The following RANBP2 variants were observed in gnomAD, a reference collection of about 807,000 sequenced individuals.
The protein encoded by RANBP2 is RAN binding protein 2.
RANBP2 carries 57 observed loss-of-function variants against 303.6 expected under a neutral mutation model. That is an observed-to-expected ratio of 0.19 (90% confidence interval 0.15 to 0.23). The LOEUF (loss-of-function observed/expected upper bound fraction) is 0.23. Among genes scored for constraint, RANBP2 ranks in the 10% least tolerant of loss-of-function variants. The pLI is 1.00. For missense variants in RANBP2, 3,138 were observed against 3,780.8 expected (o/e 0.83, Z 4.46); for synonymous variants, 1,167 against 1,301.5 (o/e 0.90, Z 2.23).
the RANBP2 span, chr2:108,805,054 G>GTA: frequency 9.3e-7 from 1 of 1,079,038 alleles, no homozygotes; most frequent in Non-Finnish European, 1.2e-6. Flanking sequence ...ATTCTAAGAA[G>GTA]TATATTTTAT....
chr2:109,556,980 T>C, the RANBP2 span, among the ~76,000 whole-genome samples: 2 of 151,938 alleles, frequency 1.3e-5, no homozygotes, highest in Non-Finnish European at 2.9e-5. Context: ...ATGAGAACAC[T>C]TGGACACAGG....
At chr2:109,223,370 C>T in the RANBP2 span, among the ~76,000 whole-genome samples, 1 of 152,178 alleles carries the variant, frequency 6.6e-6, no homozygotes, top group Non-Finnish European at 1.5e-5. Flanking sequence ...CCCGAAGAAG[C>T]AGGAGTGGCC....
At chr2:109,691,334 G>A in the RANBP2 span, among the ~76,000 whole-genome samples, 2 of 152,242 alleles carry the variant, frequency 1.3e-5, no homozygotes, top group Admixed American at 6.5e-5. Context: ...GGGGACATGC[G>A]GACAGAGCAA....
At chr2:108,749,691 A>G (rs1036210012) in intron 9 of RANBP2, among the ~76,000 whole-genome samples, 2 of 152,130 alleles carry the variant, frequency 1.3e-5, no homozygotes, top group African/African-American at 4.8e-5. Flanking sequence ...TTCTGGGCTC[A>G]AGGGATTCTC....
the RANBP2 span, chr2:109,794,614 G>GCCCC: frequency 1.4e-5 from 1 of 72,258 alleles, no homozygotes; most frequent in African/African-American, 1.1e-4. Flanking sequence ...GCGGCGGGGG[G>GCCCC]GGCGGCGGCG....
the RANBP2 span, among the ~76,000 whole-genome samples, chr2:109,443,423 G>A: frequency 7.9e-5 from 12 of 152,140 alleles, no homozygotes; most frequent in Admixed American, 3.9e-4. Context: ...GGGAATATGA[G>A]TGTCAGGCAA....
At chr2:108,994,502 T>C in the RANBP2 span, among the ~76,000 whole-genome samples, 1 of 152,228 alleles carries the variant, frequency 6.6e-6, no homozygotes, top group African/African-American at 2.4e-5. Context: ...CACATCACTA[T>C]GTTTTTCTAA....
At chr2:109,209,807 C>G in the RANBP2 span, among the ~76,000 whole-genome samples, 1 of 152,246 alleles carries the variant, frequency 6.6e-6, no homozygotes, top group East Asian at 1.9e-4. Context: ...TTGGACACTC[C>G]AGTATTCCAA....
the RANBP2 span, among the ~76,000 whole-genome samples, chr2:109,341,611 TCTTA>T: frequency 6.6e-6 from 1 of 152,204 alleles, no homozygotes; most frequent in Admixed American, 6.5e-5. Flanking sequence ...GTTTCCTTTT[TCTTA>T]CTTCATGGTA....
At chr2:109,357,225 A>G in the RANBP2 span, among the ~76,000 whole-genome samples, 2 of 151,618 alleles carry the variant, frequency 1.3e-5, no homozygotes, top group Non-Finnish European at 2.9e-5. Context: ...TCTGTCGCCC[A>G]GGCTGGAGTG....
the RANBP2 span, among the ~76,000 whole-genome samples, chr2:109,276,827 C>T: frequency 1.3e-5 from 2 of 151,904 alleles, no homozygotes; most frequent in South Asian, 4.2e-4. Flanking sequence ...ATCTAAGGGG[C>T]CTTATACAAA....
At chr2:108,998,557 G>A in the RANBP2 span, among the ~76,000 whole-genome samples, 4 of 152,074 alleles carry the variant, frequency 2.6e-5, no homozygotes, top group Non-Finnish European at 4.4e-5. Flanking sequence ...CATTTTCAGC[G>A]TCTTCTCTCT....
At chr2:108,745,760 A>T (rs1034018078) in intron 7 of RANBP2, among the ~76,000 whole-genome samples, 5 of 152,186 alleles carry the variant, frequency 3.3e-5, no homozygotes, top group Non-Finnish European at 5.9e-5. Flanking sequence ...AGGGTGTCAT[A>T]TCTACTCAAA....
At chr2:109,478,225 G>A in the RANBP2 span, among the ~76,000 whole-genome samples, 1 of 152,228 alleles carries the variant, frequency 6.6e-6, no homozygotes, top group Non-Finnish European at 1.5e-5. Flanking sequence ...CTGGCTCCCA[G>A]TGTATTTTTC....
At chr2:109,465,238 G>A in the RANBP2 span, among the ~76,000 whole-genome samples, 1 of 152,186 alleles carries the variant, frequency 6.6e-6, no homozygotes, top group Admixed American at 6.5e-5. Context: ...GGACATCTTA[G>A]TTGCTTCTCA....
the RANBP2 span, among the ~76,000 whole-genome samples, chr2:109,061,181 C>A: frequency 6.6e-6 from 1 of 151,988 alleles, no homozygotes; most frequent in Non-Finnish European, 1.5e-5. Context: ...CCAAGGAAAA[C>A]CCTGGGAGCT....
chr2:108,722,495 T>G (rs1311906570), intron 1 of RANBP2, among the ~76,000 whole-genome samples: 3 of 151,798 alleles, frequency 2.0e-5, no homozygotes, highest in Non-Finnish European at 4.4e-5. Flanking sequence ...GCTGGCCATC[T>G]GTGAACTGCC....
At chr2:109,042,996 T>C in the RANBP2 span, among the ~76,000 whole-genome samples, 1 of 152,190 alleles carries the variant, frequency 6.6e-6, no homozygotes, top group Admixed American at 6.5e-5. Flanking sequence ...AATTCTGTGG[T>C]CCACATAGTA....
chr2:108,729,874 C>T lies in RANBP2; in HGVS notation c.140+675C>T, dbSNP rs1200344882. On this transcript the variant is annotated intron_variant, in intron 2 of 28. Coordinates refer to ENST00000283195, the MANE Select transcript of RANBP2 (RefSeq NM_006267.5). ...AGCTGGGGATACAGATGCGCACCAC[C>T]ACACCTGGCTAAGGTTTGCATTTTT... Among the ~76,000 whole-genome samples the T allele has an allele frequency of 5.3e-5, 8 of 152,208 alleles. No individual in the cohort carries two copies. The Middle Eastern group carries it at 0.01, about 194-fold the overall frequency.
Sources: allele counts gnomAD v4.1 joint callset (sites outside exome capture counted in the v4.1 genomes callset), GRCh38; gene constraint gnomAD v4.1.1; transcripts MANE v1.5; gene names NCBI Gene and HGNC (gene_info 2026-07-23, HGNC 2026-07-21).